ARMH4: variants seen among roughly 807,000 people sequenced by gnomAD.
ARMH4 encodes the protein armadillo like helical domain containing 4.
Under a neutral mutation model 61.9 loss-of-function variants are expected in ARMH4, and 49 were observed. The ratio of observed to expected loss-of-function variants is 0.79; its 90% CI spans 0.63 to 1.00. The LOEUF is 1.00. Among genes scored for constraint, ARMH4 ranks in the 50% least tolerant of loss-of-function variants. The probability of loss-of-function intolerance (pLI) is 0.00; values close to 1 mark genes in which losing one functional copy is unlikely to be tolerated. For missense variants in ARMH4, 934 were observed against 930.0 expected, an observed-to-expected ratio of 1.00 and a Z score of -0.06; for synonymous variants, 368 against 341.5, an observed-to-expected ratio of 1.08 and a Z score of -0.85.
At position 58,138,514 on chromosome 14, in the gene ARMH4, C is replaced by T; in HGVS notation, c.845G>A (p.Ser282Asn). The change falls in exon 2 of 8, where the codon AGT becomes AAT. Residue 282 changes from serine to asparagine, a missense_variant. Physicochemically the swap from Ser to Asn is conservative, Grantham distance 46 (BLOSUM62 1). Coordinates refer to ENST00000267485, the MANE Select transcript of ARMH4 (RefSeq NM_001001872.4). ...QPLETSEYTL[S>N]VEPETDSLLG... ...CAGACTATCAGTTTCTGGCTCAACA[C>T]TCAGGGTGTACTCGGAAGTTTCGAG... 6.2e-7 allele frequency: 1 copy of T among 1,614,236 alleles called. No homozygotes were observed. Among genetic ancestry groups the T allele is most frequent in the Non-Finnish European group, 8.5e-7 (1 of 1,180,050 alleles).
chr14:58,093,380 T>C (rs542804557), intron 5 of ARMH4, among the ~76,000 whole-genome samples: 2 of 152,246 alleles, frequency 1.3e-5, no homozygotes, highest in East Asian at 1.9e-4. Context: ...TTTGTAGAGA[T>C]GGAGTCTTGC....
intron 1 of ARMH4, among the ~76,000 whole-genome samples, chr14:58,148,459 T>C (rs1242056595): frequency 2.0e-5 from 3 of 152,090 alleles, no homozygotes; most frequent in Non-Finnish European, 4.4e-5. Flanking sequence ...TCCCCACCCT[T>C]CTCCTAGCTC....
chr14:58,142,401 G>A (rs972230289), intron 1 of ARMH4, among the ~76,000 whole-genome samples: 1 of 152,102 alleles, frequency 6.6e-6, no homozygotes, highest in Non-Finnish European at 1.5e-5. Flanking sequence ...TGATCTACAT[G>A]GCTGAAGACA....
In ARMH4 at chr14:58,138,449, C is replaced by G; in HGVS notation, c.910G>C (p.Val304Leu). ...PEVTVSVSTA[V>L]PAASALSDEW... ...TCACTTAAGGCAGAGGCAGCTGGAA[C>G]AGCTGTGCTGACACTCACTGTGACT... Residue 304 changes from valine (V) to leucine (L), a missense_variant, in exon 2 of 8, where the codon GTT (valine) becomes CTT (leucine). By Grantham distance (32) the Val-to-Leu change is conservative. Transcript: ENST00000267485. 1 of 1,614,278 alleles carries G rather than the reference C, an allele frequency of 6.2e-7. No individual in the cohort carries two copies. Among genetic ancestry groups the G allele is most frequent in the Non-Finnish European group, 8.5e-7 (1 of 1,180,052 alleles).
chr14:58,104,589 T>C (rs112654204), intron 4 of ARMH4, among the ~76,000 whole-genome samples: 347 of 152,366 alleles, frequency 2.3e-3, no homozygotes, highest in African/African-American at 7.4e-3. Flanking sequence ...TTAAACATTT[T>C]TAGTTGTATG....
intron 6 of ARMH4, among the ~76,000 whole-genome samples, chr14:58,008,569 T>C (rs975516093): frequency 1.3e-5 from 2 of 152,200 alleles, no homozygotes; most frequent in Admixed American, 6.6e-5. Context: ...GGAAACCAAA[T>C]GATATGCTGT....
intron 5 of ARMH4, among the ~76,000 whole-genome samples, chr14:58,089,583 TG>T (rs932342136): frequency 1.3e-5 from 2 of 152,224 alleles, no homozygotes; most frequent in African/African-American, 4.8e-5. Flanking sequence ...CTAATGAACC[TG>T]ATAAATTAAT....
At chr14:58,089,532 C>A (rs1160029382) in intron 5 of ARMH4, among the ~76,000 whole-genome samples, 3 of 152,238 alleles carry the variant, frequency 2.0e-5, no homozygotes, top group African/African-American at 4.8e-5. Context: ...AAAACACATG[C>A]ATCTTATGTT....
At position 58,136,273 on chromosome 14, in the gene ARMH4, A is replaced by C. The variant is rs185680695; in HGVS notation, c.1369+1717T>G. On this transcript the variant is annotated intron_variant, in intron 2 of 7. Coordinates refer to ENST00000267485, the MANE Select transcript of ARMH4 (RefSeq NM_001001872.4). Reference sequence around the variant, plus strand: ...AATTCCATTTTACTTTTTAGGCTGTACTAATAGAAGCTAATACAAGTTTAG... The same window carrying C: ...AATTCCATTTTACTTTTTAGGCTGTCCTAATAGAAGCTAATACAAGTTTAG... 3.2e-3 allele frequency among the ~76,000 whole-genome samples: 486 copies of C among 152,316 alleles called. 1 individual carries two copies. Among genetic ancestry groups the C allele is most frequent in the African/African-American group, 0.01 (417 of 41,586 alleles).
Position 58,111,034 on chromosome 14 carries a change from G to A in ARMH4, c.1832-14053C>T, listed in dbSNP as rs573447307. 2.0e-4 allele frequency among the ~76,000 whole-genome samples: 31 copies of A among 151,968 alleles called. No homozygotes were observed. The South Asian group carries it at 2.7e-3, about 13-fold the overall frequency. On this transcript the variant is annotated intron_variant, in intron 4 of 7. Coordinates refer to ENST00000267485, the MANE Select transcript of ARMH4 (RefSeq NM_001001872.4). Reference sequence around the variant, plus strand: ...TTCCCAAAGTGCTGGGATTACAGGCGTGAGCCACCACGCCCAGCCAGGATT... The same window carrying A: ...TTCCCAAAGTGCTGGGATTACAGGCATGAGCCACCACGCCCAGCCAGGATT...
At chr14:58,125,413 G>A (rs1886867188) in intron 4 of ARMH4, among the ~76,000 whole-genome samples, 1 of 152,238 alleles carries the variant, frequency 6.6e-6, no homozygotes, top group South Asian at 2.1e-4. Flanking sequence ...CCCATCAGAT[G>A]GCCAAATTAT....
chr14:58,051,431 C>T (rs1884138954), intron 5 of ARMH4, among the ~76,000 whole-genome samples: 1 of 152,184 alleles, frequency 6.6e-6, no homozygotes, highest in South Asian at 2.1e-4. Flanking sequence ...AATGTGCACA[C>T]TTCATGGCAC....
rs1566599069 is a variant in ARMH4, at chr14:58,138,159, G to T, written c.1200C>A (p.Pro400=). The T allele has an allele frequency of 8.1e-6, 13 of 1,614,128 alleles. No individual in the cohort carries two copies. Among genetic ancestry groups the T allele is most frequent in the Non-Finnish European group, 9.3e-6 (11 of 1,180,016 alleles). ...PAFTDQSSFT[P]TSLMEDMKVS... is the part of the protein sequence containing the mutation. ...CTTTCATGTCTTCCATCAGACTTGTGGGGGTAAAGGAACTTTGATCAGTGA... is the reference window on the plus strand; with the variant it reads ...CTTTCATGTCTTCCATCAGACTTGTTGGGGTAAAGGAACTTTGATCAGTGA... Residue 400 remains proline (P), a synonymous_variant, in exon 2 of 8, where the codon CCC becomes CCA. Transcript: ENST00000267485.
At chr14:58,042,634 A>G (rs544301088) in intron 5 of ARMH4, among the ~76,000 whole-genome samples, 1 of 152,122 alleles carries the variant, frequency 6.6e-6, no homozygotes, top group East Asian at 1.9e-4. Context: ...ACACAAAAAA[A>G]CCTTCAAAAA....
chr14:58,015,159 T>C lies in ARMH4; in HGVS notation c.2090-3009A>G, dbSNP rs181446233. On this transcript the variant is annotated intron_variant, in intron 5 of 7. Transcript: ENST00000267485. ...CTGTCCACATCTTAGGTTCTTAGAG[T>C]AAATTTCACAGAGTCCTACTTTGGA... 3.9e-5 allele frequency among the ~76,000 whole-genome samples: 6 copies of C among 152,272 alleles called. No individual in the cohort carries two copies. In the East Asian group the frequency reaches 1.2e-3, roughly 29 times the overall value.
At chr14:58,098,200 C>T (rs949305118) in intron 4 of ARMH4, among the ~76,000 whole-genome samples, 3 of 152,222 alleles carry the variant, frequency 2.0e-5, no homozygotes, top group African/African-American at 7.2e-5. Context: ...TCCACCCATA[C>T]TACCTTTCCT....
chr14:58,119,134 T>C (rs1409523788), intron 4 of ARMH4, among the ~76,000 whole-genome samples: 1 of 152,198 alleles, frequency 6.6e-6, no homozygotes, highest in Non-Finnish European at 1.5e-5. Flanking sequence ...TCAGGACCAA[T>C]GTAATGCTTC....
chr14:58,065,829 C>G lies in ARMH4; in HGVS notation c.2089+30895G>C, dbSNP rs182444103. 1.7e-3 allele frequency among the ~76,000 whole-genome samples: 255 copies of G among 152,374 alleles called. 2 individuals carry two copies. Among genetic ancestry groups the G allele is most frequent in the Middle Eastern group, 6.8e-3 (2 of 294 alleles). ...TTCTCTGTCATTGGCTTTGATGAAG[C>G]AAGCTGTTGTGAGCTGCATTGTGGT... On this transcript the variant is annotated intron_variant, in intron 5 of 7. Coordinates refer to ENST00000267485, the MANE Select transcript of ARMH4 (RefSeq NM_001001872.4).
intron 1 of ARMH4, among the ~76,000 whole-genome samples, chr14:58,140,494 T>C (rs569262121): frequency 4.0e-5 from 6 of 150,860 alleles, no homozygotes; most frequent in African/African-American, 1.5e-4. Context: ...GGCAAGAGAG[T>C]TGCCTAAACC....
Sources: gnomAD v4.1 joint callset for allele counts (sites outside exome capture counted in the v4.1 genomes callset) on GRCh38, gnomAD v4.1.1 for gene constraint, MANE v1.5 for transcripts, NCBI Gene and HGNC (gene_info 2026-07-23, HGNC 2026-07-21) for gene names.